Variants in THADA observed in about 807,000 individuals in gnomAD.
THADA encodes the protein THADA armadillo repeat containing.
THADA carries 213 observed loss-of-function variants against 219.8 expected under a neutral mutation model. That is an observed-to-expected ratio of 0.97 (90% CI 0.87 to 1.09). THADA has a LOEUF of 1.09. Among genes scored for constraint, THADA ranks in the 50% least tolerant of loss-of-function variants. The probability of loss-of-function intolerance (pLI) is 0.00; values close to 1 mark genes in which losing one functional copy is unlikely to be tolerated. For synonymous variants in THADA, 1,018 were observed against 828.9 expected, an observed-to-expected ratio of 1.23 and a Z score of -3.92; for missense variants, 2,956 against 2,311.3, an observed-to-expected ratio of 1.28 and a Z score of -5.72.
rs1700103486 is a variant in THADA at position 43,578,623 on chromosome 2, G to A, written c.722-16C>T. 1 of 1,548,656 alleles carries A rather than the reference G, an allele frequency of 6.5e-7. No homozygotes were observed. Among genetic ancestry groups the A allele is most frequent in the Non-Finnish European group, 8.8e-7 (1 of 1,133,726 alleles). ...AACAGATCATCTATTTGGCAAAAAA[G>A]GAGAGAAGCTTGTGTTAAATAATGA... On this transcript the variant is annotated splice_polypyrimidine_tract_variant and intron_variant, in intron 8 of 37. Coordinates refer to ENST00000405975, the MANE Select transcript of THADA (RefSeq NM_022065.5).
chr2:43,406,475 A>G (rs1257230378), intron 28 of THADA, among the ~76,000 whole-genome samples: 1 of 152,240 alleles, frequency 6.6e-6, no homozygotes, highest in East Asian at 1.9e-4. Context: ...ACAACAACAA[A>G]TACAATTTGA....
At chr2:43,367,015 A>C (rs1387815243) in intron 29 of THADA, among the ~76,000 whole-genome samples, 2 of 152,256 alleles carry the variant, frequency 1.3e-5, no homozygotes, top group Non-Finnish European at 2.9e-5. Flanking sequence ...CATTAAAAAG[A>C]AAATTCTGAC....
chr2:43,266,048 C>G (rs1472431653), intron 36 of THADA, among the ~76,000 whole-genome samples: 2 of 150,732 alleles, frequency 1.3e-5, no homozygotes, highest in Non-Finnish European at 2.9e-5. Context: ...CTATGAGTGG[C>G]TTTTAAAAGA....
chr2:43,457,038 G>A (rs998504140), intron 26 of THADA, among the ~76,000 whole-genome samples: 22 of 151,566 alleles, frequency 1.5e-4, no homozygotes, highest in South Asian at 8.3e-4. Flanking sequence ...TTATATACGT[G>A]TGTGTGTGTG....
rs765825863 is a variant in THADA at position 43,232,781 on chromosome 2, G to C, written c.5398C>G (p.Pro1800Ala). 9.1e-5 allele frequency: 147 copies of C among 1,613,524 alleles called. No homozygotes were observed. Among genetic ancestry groups the C allele is most frequent in the Non-Finnish European group, 1.2e-4 (141 of 1,179,786 alleles). Reference sequence around the variant, plus strand: ...CCCAACAGCCATCCCAGCAGGATGGGCAGTCCAGGGGCCAACTGGTCCCAC... The same window carrying C: ...CCCAACAGCCATCCCAGCAGGATGGCCAGTCCAGGGGCCAACTGGTCCCAC... ...QQWDQLAPGL[P>A]ILLGWLLGES... The change falls in exon 37 of 38, where the codon CCC becomes GCC. Residue 1800 changes from proline (P) to alanine (A), a missense_variant. Transcript: ENST00000405975.
chr2:43,380,061 T>C (rs559855566), intron 29 of THADA, among the ~76,000 whole-genome samples: 43 of 152,290 alleles, frequency 2.8e-4, no homozygotes, highest in African/African-American at 1.0e-3. Context: ...AGGAAAGTTT[T>C]TAGGGTGTGG....
At chr2:43,435,781 CAAA>C (rs542080356) in intron 26 of THADA, among the ~76,000 whole-genome samples, 3 of 53,818 alleles carry the variant, frequency 5.6e-5, no homozygotes. Flanking sequence ...AACTTGCCAC[CAAA>C]AAAAAAAAAA....
chr2:43,551,849 C>T lies in THADA; in HGVS notation c.2887G>A (p.Val963Met), dbSNP rs1696788036. The change falls in exon 19 of 38, where the codon GTG becomes ATG. Residue 963 changes from valine to methionine, a missense_variant. Physicochemically the swap from Val to Met is conservative, Grantham distance 21. Coordinates refer to ENST00000405975, the MANE Select transcript of THADA (RefSeq NM_022065.5). ...GATGAGCTCTGAATGACTGGAGACA[C>T]CACAGTGGAAAGCCTGTAGGACATC... The part of the protein sequence containing the change: ...LLMSYRLSTV[V>M]SPVIQSSSPE... 2 of 1,613,820 alleles carry T rather than the reference C, an allele frequency of 1.2e-6. No homozygotes were observed. The highest frequency in any genetic ancestry group is 1.7e-6 in the Non-Finnish European group (2 of 1,179,848).
chr2:43,307,424 T>C (rs1255040900), intron 31 of THADA, among the ~76,000 whole-genome samples: 3 of 151,674 alleles, frequency 2.0e-5, no homozygotes, highest in East Asian at 3.8e-4. Context: ...GATTTGCACA[T>C]GCAAGGGGTG....
chr2:43,510,987 A>T (rs919659099), intron 22 of THADA, among the ~76,000 whole-genome samples: 1 of 146,338 alleles, frequency 6.8e-6, no homozygotes, highest in Admixed American at 6.7e-5. Flanking sequence ...AACTAAAAAA[A>T]TTTAAAAAAA....
At chr2:43,296,199 G>C (rs556338824) in intron 31 of THADA, among the ~76,000 whole-genome samples, 1 of 151,506 alleles carries the variant, frequency 6.6e-6, no homozygotes, top group Non-Finnish European at 1.5e-5. Flanking sequence ...ATTACAGCGT[G>C]AGCCACCGTG....
At chr2:43,272,320 G>A (rs1229077830) in intron 36 of THADA, among the ~76,000 whole-genome samples, 1 of 152,160 alleles carries the variant, frequency 6.6e-6, no homozygotes, top group Admixed American at 6.5e-5. Flanking sequence ...GAGCAGAAGA[G>A]CAGTATCATC....
At chr2:43,288,928 G>C (rs532111592) in intron 34 of THADA, among the ~76,000 whole-genome samples, 1 of 152,220 alleles carries the variant, frequency 6.6e-6, no homozygotes, top group South Asian at 2.1e-4. Context: ...GAGAAACTCT[G>C]CACCCTTTAT....
At chr2:43,518,828 G>A (rs1692054282) in intron 22 of THADA, among the ~76,000 whole-genome samples, 1 of 151,978 alleles carries the variant, frequency 6.6e-6, no homozygotes, top group African/African-American at 2.4e-5. Flanking sequence ...ATTTGCCTGG[G>A]ACTAAAGGAT....
chr2:43,375,624 A>G (rs544112898), intron 29 of THADA, among the ~76,000 whole-genome samples: 1 of 152,224 alleles, frequency 6.6e-6, no homozygotes, highest in Non-Finnish European at 1.5e-5. Flanking sequence ...ATAATTTTAC[A>G]CAGAGGAAAA....
intron 26 of THADA, among the ~76,000 whole-genome samples, chr2:43,431,044 C>T (rs1458955645): frequency 6.6e-6 from 1 of 152,174 alleles, no homozygotes; most frequent in Non-Finnish European, 1.5e-5. Flanking sequence ...AATAGTTCCT[C>T]AGGCTGCACC....
At chr2:43,371,748 A>G (rs1670827434) in intron 29 of THADA, among the ~76,000 whole-genome samples, 1 of 152,200 alleles carries the variant, frequency 6.6e-6, no homozygotes, top group Admixed American at 6.5e-5. Context: ...TTTGCTGTCC[A>G]TGGACTGAAT....
At chr2:43,586,621 C>G (rs984766040) in intron 6 of THADA, 81 bp downstream of exon 6, 1 of 1,474,676 alleles carries the variant, frequency 6.8e-7, no homozygotes, top group African/African-American at 1.4e-5. Flanking sequence ...TACCTATTAC[C>G]AAGAAACTTA....
At chr2:43,504,090 C>T (rs542972185) in intron 24 of THADA, among the ~76,000 whole-genome samples, 1 of 152,058 alleles carries the variant, frequency 6.6e-6, no homozygotes, top group Non-Finnish European at 1.5e-5. Flanking sequence ...AAACTGAACT[C>T]TGAAACACTT....
Sources: allele counts gnomAD v4.1 joint callset (sites outside exome capture counted in the v4.1 genomes callset), GRCh38; gene constraint gnomAD v4.1.1; transcripts MANE v1.5; gene names NCBI Gene and HGNC (gene_info 2026-07-23, HGNC 2026-07-21).